WDR7: variants seen among roughly 807,000 people sequenced by gnomAD.
The protein encoded by WDR7 is WD repeat-containing protein 7.
WDR7 carries 46 observed loss-of-function variants against 169.4 expected under a neutral mutation model. The observed-to-expected ratio is 0.27, with a 90% CI of 0.21 to 0.35. WDR7 has a LOEUF of 0.35. Ranked by LOEUF, WDR7 falls within the 10% of genes least tolerant of loss-of-function variation. The pLI is 1.00. For missense variants in WDR7, 1,534 were observed against 1,859.3 expected (o/e 0.83, Z 3.22); for synonymous variants, 612 against 666.8 (o/e 0.92, Z 1.27).
intron 6 of WDR7, 127 bp downstream of exon 6, chr18:56,686,159 C>G (rs2025439733): frequency 4.1e-6 from 3 of 722,938 alleles, no homozygotes; most frequent in Non-Finnish European, 6.4e-6. Flanking sequence ...TGATAATTTT[C>G]TTATAGGCAT....
chr18:56,816,261 A>G (rs1282105183), intron 20 of WDR7, 117 bp downstream of exon 20: 2 of 812,382 alleles, frequency 2.5e-6, no homozygotes, highest in Admixed American at 3.3e-5. Context: ...ACTTGTACTG[A>G]TGGTGTATTT....
chr18:56,821,402 G>T (rs2045094057), intron 20 of WDR7, among the ~76,000 whole-genome samples: 2 of 152,102 alleles, frequency 1.3e-5, no homozygotes, highest in Non-Finnish European at 2.9e-5. Context: ...CTTTTACAGG[G>T]TCACATATGT....
intron 22 of WDR7, 64 bp downstream of exon 22, chr18:56,924,172 G>C (rs187216648): frequency 5.5e-5 from 86 of 1,569,368 alleles, no homozygotes; most frequent in Admixed American, 4.2e-4. Context: ...TTTTTTGGTG[G>C]GTTTATTGAT....
intron 20 of WDR7, among the ~76,000 whole-genome samples, chr18:56,829,503 A>G (rs2045272063): frequency 6.6e-6 from 1 of 152,174 alleles, no homozygotes. Flanking sequence ...TCCATTTTCC[A>G]GGGTAGGCTT....
intron 26 of WDR7, among the ~76,000 whole-genome samples, chr18:56,984,454 G>A (rs1309111423): frequency 6.6e-6 from 1 of 152,074 alleles, no homozygotes; most frequent in African/African-American, 2.4e-5. Context: ...CATAGTTTTA[G>A]TTCTTATTTA....
At chr18:56,923,145 T>G (rs945316668) in intron 21 of WDR7, among the ~76,000 whole-genome samples, 1 of 152,246 alleles carries the variant, frequency 6.6e-6, no homozygotes, top group Non-Finnish European at 1.5e-5. Context: ...TAAATTACAA[T>G]TGGCTTTTCG....
chr18:57,034,537 TC>T (rs1379513498), downstream of WDR7: 1 of 152,084 alleles, frequency 6.6e-6, no homozygotes, highest in Non-Finnish European at 1.5e-5. Flanking sequence ...GAAGGACCCA[TC>T]ACTGGTCGTG....
At chr18:56,999,012 G>A (rs1243138824) in intron 26 of WDR7, among the ~76,000 whole-genome samples, 1 of 152,072 alleles carries the variant, frequency 6.6e-6, no homozygotes, top group Non-Finnish European at 1.5e-5. Flanking sequence ...TCATATATAA[G>A]GTATTATTTC....
intron 27 of WDR7, among the ~76,000 whole-genome samples, chr18:57,026,747 T>G (rs1489162114): frequency 6.6e-6 from 1 of 152,222 alleles, no homozygotes; most frequent in Non-Finnish European, 1.5e-5. Context: ...TTTAGCCCTC[T>G]TCCTAAAGAT....
intron 22 of WDR7, among the ~76,000 whole-genome samples, chr18:56,926,574 T>C (rs902906474): frequency 6.6e-6 from 1 of 152,210 alleles, no homozygotes; most frequent in African/African-American, 2.4e-5. Context: ...AGCATAAAGA[T>C]GTGCTTAGGT....
chr18:56,986,552 G>A (rs978379658), intron 26 of WDR7, among the ~76,000 whole-genome samples: 20 of 152,096 alleles, frequency 1.3e-4, no homozygotes, highest in Non-Finnish European at 4.4e-5. Context: ...TTTCAGAAGT[G>A]TGGCTTCAGA....
chr18:56,919,722 G>A (rs994957051), intron 21 of WDR7, among the ~76,000 whole-genome samples: 15 of 152,014 alleles, frequency 9.9e-5, no homozygotes, highest in African/African-American at 2.4e-5. Context: ...CCATGGTTCT[G>A]TTATCTCATA....
intron 1 of WDR7, among the ~76,000 whole-genome samples, chr18:56,664,004 G>GA (rs1396340452): frequency 6.6e-6 from 1 of 151,964 alleles, no homozygotes; most frequent in Admixed American, 6.6e-5. Context: ...TGCTGTACCA[G>GA]AAAAAAAGAG....
chr18:56,748,824 C>T (rs1226496245), intron 14 of WDR7, among the ~76,000 whole-genome samples: 1 of 151,898 alleles, frequency 6.6e-6, no homozygotes, highest in Non-Finnish European at 1.5e-5. Flanking sequence ...TTGTATTATC[C>T]TAACTCTTAA....
chr18:56,754,814 C>G (rs1178197233), intron 14 of WDR7, among the ~76,000 whole-genome samples: 1 of 152,084 alleles, frequency 6.6e-6, no homozygotes, highest in African/African-American at 2.4e-5. Flanking sequence ...AGATAGGATC[C>G]TGGAAATAAA....
rs973585258 is a variant in WDR7, at chr18:56,696,226, A to G, written c.1358-16A>G. 20 of 1,584,994 alleles carry G rather than the reference A, an allele frequency of 1.3e-5. No individual in the cohort carries two copies. Among genetic ancestry groups the G allele is most frequent in the Non-Finnish European group, 1.6e-5 (19 of 1,164,694 alleles). On this transcript the variant is annotated splice_polypyrimidine_tract_variant and intron_variant, in intron 11 of 27. Coordinates refer to ENST00000254442, the MANE Select transcript of WDR7 (RefSeq NM_015285.3). ...CCTTTAATTTTCCCATTTTAAATCC[A>G]AACCCTCATTCACAGGTTGGCCACC...
At chr18:56,719,971 G>A in intron 13 of WDR7, among the ~76,000 whole-genome samples, 1 of 152,168 alleles carries the variant, frequency 6.6e-6, no homozygotes, top group East Asian at 1.9e-4. Context: ...GTGTGTGTGT[G>A]TATACATGCA....
At chr18:56,909,515 T>C (rs1024427150) in intron 21 of WDR7, among the ~76,000 whole-genome samples, 1 of 152,166 alleles carries the variant, frequency 6.6e-6, no homozygotes, top group Non-Finnish European at 1.5e-5. Context: ...CATACATGGT[T>C]GTAAAGTTTG....
At chr18:56,849,686 A>G (rs1292409262) in intron 20 of WDR7, among the ~76,000 whole-genome samples, 1 of 152,190 alleles carries the variant, frequency 6.6e-6, no homozygotes, top group Non-Finnish European at 1.5e-5. Flanking sequence ...GTGATTCTTT[A>G]AAAACGTAAA....
Sources: gnomAD v4.1 joint callset for allele counts (sites outside exome capture counted in the v4.1 genomes callset) on GRCh38, gnomAD v4.1.1 for gene constraint, MANE v1.5 for transcripts, NCBI Gene and HGNC (gene_info 2026-07-23, HGNC 2026-07-21) for gene names.